AIMP1: variants seen among roughly 807,000 people sequenced by gnomAD.
AIMP1 encodes aminoacyl tRNA synthetase complex interacting multifunctional protein 1.
A neutral mutation model predicts 33.1 loss-of-function variants in AIMP1; 24 were observed. The ratio of observed to expected loss-of-function variants is 0.73; its 90% CI spans 0.53 to 1.02. The LOEUF is 1.02. Ranked by LOEUF, AIMP1 falls within the 50% of genes least tolerant of loss-of-function variation. AIMP1 has a pLI of 0.00. For missense variants in AIMP1, 367 were observed against 364.8 expected, an observed-to-expected ratio of 1.01 and a Z score of -0.05; for synonymous variants, 120 against 121.5, an observed-to-expected ratio of 0.99 and a Z score of 0.08.
chr4:106,327,509 G>T lies in AIMP1; in HGVS notation c.168G>T (p.Lys56Asn). ...KKLRVENAKL[K>N]KEIEELKQEL... is the part of the protein sequence containing the mutation. ...TTCGAGTTGAAAATGCTAAACTGAA[G>T]AAAGAAATTGAAGAACTGAAACAAG... The change falls in exon 3 of 7, where the codon AAG becomes AAT. Residue 56 changes from lysine (K) to asparagine (N), a missense_variant. Physicochemically the swap from Lys to Asn is moderately conservative, Grantham distance 94. Coordinates refer to ENST00000672341, the MANE Select transcript of AIMP1 (RefSeq NM_001142416.2). 6.2e-7 allele frequency: 1 copy of T among 1,612,954 alleles called. No homozygotes were observed. The highest frequency in any genetic ancestry group is 1.1e-5 in the South Asian group (1 of 90,990).
chr4:106,316,650 G>T, intron 1 of AIMP1, 56 bp downstream of exon 1: 2 of 1,530,142 alleles, frequency 1.3e-6, no homozygotes, highest in Non-Finnish European at 1.8e-6. Context: ...CGATCGTAGG[G>T]GTCTTCCTTC....
intron 1 of AIMP1, among the ~76,000 whole-genome samples, chr4:106,321,943 A>T (rs1442981314): frequency 7.6e-6 from 1 of 131,378 alleles, no homozygotes; most frequent in African/African-American, 2.8e-5. Context: ...ACTAAGGGTT[A>T]AATGGCCCCT....
chr4:106,344,663 A>G (rs1393923821), intron 6 of AIMP1, among the ~76,000 whole-genome samples: 1 of 152,124 alleles, frequency 6.6e-6, no homozygotes, highest in Non-Finnish European at 1.5e-5. Context: ...ACTATTCAGA[A>G]GCTTTTCATC....
chr4:106,324,708 T>G (rs927902831), intron 1 of AIMP1, among the ~76,000 whole-genome samples: 15 of 152,212 alleles, frequency 9.9e-5, no homozygotes, highest in African/African-American at 3.1e-4. Context: ...CCTGAAGCTT[T>G]CTTTGAAAGC....
chr4:106,339,171 T>A (rs1770003602), intron 6 of AIMP1, among the ~76,000 whole-genome samples: 1 of 152,206 alleles, frequency 6.6e-6, no homozygotes, highest in South Asian at 2.1e-4. Context: ...GACTGTGGGC[T>A]TTTGAGTTAA....
At chr4:106,342,314 G>A (rs1770128733) in intron 6 of AIMP1, among the ~76,000 whole-genome samples, 1 of 152,098 alleles carries the variant, frequency 6.6e-6, no homozygotes, top group African/African-American at 2.4e-5. Context: ...AGGACTCCCA[G>A]TTCTATGTTG....
chr4:106,325,925 G>A (rs1769438660), intron 2 of AIMP1, among the ~76,000 whole-genome samples: 1 of 152,080 alleles, frequency 6.6e-6, no homozygotes, highest in Non-Finnish European at 1.5e-5. Flanking sequence ...ATTTCAGTAA[G>A]TAATACTTCA....
intron 1 of AIMP1, among the ~76,000 whole-genome samples, chr4:106,318,871 A>G (rs1239874715): frequency 1.3e-5 from 2 of 152,180 alleles, no homozygotes; most frequent in Non-Finnish European, 2.9e-5. Flanking sequence ...TTAAATTTAA[A>G]AGAAGTCTGT....
At chr4:106,334,720 C>A (rs1432350258) in intron 5 of AIMP1, among the ~76,000 whole-genome samples, 1 of 151,856 alleles carries the variant, frequency 6.6e-6, no homozygotes, top group Non-Finnish European at 1.5e-5. Context: ...AGTATTGAGG[C>A]CAGGATGATA....
At chr4:106,344,702 C>T (rs952026028) in intron 6 of AIMP1, among the ~76,000 whole-genome samples, 3 of 152,166 alleles carry the variant, frequency 2.0e-5, no homozygotes, top group Non-Finnish European at 4.4e-5. Flanking sequence ...CAGGTTCTTA[C>T]AGTGATCTCC....
intron 3 of AIMP1, 70 bp downstream of exon 3, chr4:106,327,634 A>C: frequency 8.9e-7 from 1 of 1,126,710 alleles, no homozygotes. Context: ...ACAGTGAGGA[A>C]AGAAGTAAGA....
At chr4:106,321,660 A>C (rs556140434) in intron 1 of AIMP1, among the ~76,000 whole-genome samples, 75 of 151,976 alleles carry the variant, frequency 4.9e-4, no homozygotes, top group African/African-American at 1.7e-3. Context: ...GGAAGTGAGG[A>C]GCCCCTCTGC....
intron 6 of AIMP1, among the ~76,000 whole-genome samples, chr4:106,339,923 C>G (rs1231060995): frequency 6.6e-6 from 1 of 151,940 alleles, no homozygotes; most frequent in Non-Finnish European, 1.5e-5. Flanking sequence ...TTTTGTATTG[C>G]CTGTTTTCTC....
At position 106,336,983 on chromosome 4, in the gene AIMP1, G is replaced by T. The variant is rs755216407; in HGVS notation, c.718G>T (p.Ala240Ser). 6.2e-7 allele frequency: 1 copy of T among 1,614,044 alleles called. No individual in the cohort carries two copies. Among genetic ancestry groups the T allele is most frequent in the Non-Finnish European group, 8.5e-7 (1 of 1,179,986 alleles). ...ASSPEKIEILAPPNGSVPGDR... is the reference protein window; with the variant it reads ...ASSPEKIEILSPPNGSVPGDR... ...TTCACCAGAGAAAATTGAAATCTTG[G>T]CTCCTCCAAATGGGTCTGTTCCTGG... The change falls in exon 6 of 7, where the codon GCT becomes TCT. Residue 240 changes from alanine to serine, a missense_variant. Coordinates refer to ENST00000672341, the MANE Select transcript of AIMP1 (RefSeq NM_001142416.2).
At position 106,328,118 on chromosome 4, in the gene AIMP1, A is replaced by G. The variant is rs202131629; in HGVS notation, c.266A>G (p.Asn89Ser). 56 of 1,613,608 alleles carry G rather than the reference A, an allele frequency of 3.5e-5. 1 individual carries two copies. The Middle Eastern group carries it at 1.7e-3, about 48-fold the overall frequency. ...CCATCTGGTACTCCACTGCACGCTA[A>G]TTCTATGGTTTCTGAAAATGTGATA... ...PFPSGTPLHANSMVSENVIQS... is the reference protein window; with the variant it reads ...PFPSGTPLHASSMVSENVIQS... Residue 89 changes from asparagine to serine, a missense_variant, in exon 4 of 7, where the codon AAT becomes AGT. By Grantham distance (46) the Asn-to-Ser change is conservative. Transcript: ENST00000672341.
At chr4:106,344,527 A>G (rs1052104179) in intron 6 of AIMP1, among the ~76,000 whole-genome samples, 1 of 152,154 alleles carries the variant, frequency 6.6e-6, no homozygotes, top group Non-Finnish European at 1.5e-5. Flanking sequence ...CAAAGCCAAC[A>G]TCTCTTTTCT....
intron 2 of AIMP1, among the ~76,000 whole-genome samples, chr4:106,326,297 A>C (rs1769451227): frequency 6.6e-6 from 1 of 152,234 alleles, no homozygotes; most frequent in Admixed American, 6.5e-5. Context: ...ATTTTTACTT[A>C]TACAAATTTA....
chr4:106,347,465 C>G (rs1770346004), intron 6 of AIMP1, 61 bp from the exon 7 acceptor site: 1 of 1,467,532 alleles, frequency 6.8e-7, no homozygotes, highest in Non-Finnish European at 9.2e-7. Context: ...TGTGAATAGT[C>G]TCTTTAATAT....
intron 4 of AIMP1, 87 bp downstream of exon 4, chr4:106,328,330 A>T: frequency 6.9e-7 from 1 of 1,444,738 alleles, no homozygotes. Flanking sequence ...AATAGTATCA[A>T]AAGTAAAGTT....
Sources: gnomAD v4.1 joint callset for allele counts (sites outside exome capture counted in the v4.1 genomes callset) on GRCh38, gnomAD v4.1.1 for gene constraint, MANE v1.5 for transcripts, NCBI Gene and HGNC (gene_info 2026-07-23, HGNC 2026-07-21) for gene names.